The following BLTP1 variants were observed in gnomAD, a reference collection of about 807,000 sequenced individuals.
The protein encoded by BLTP1 is fragile site-associated protein.
chr4:122,199,243 A>G, the BLTP1 span: 1 of 1,409,962 alleles, frequency 7.1e-7, no homozygotes, highest in Admixed American at 2.3e-5. Flanking sequence ...TTAAATAGTG[A>G]CTACCATTTT....
At chr4:122,280,489 T>C in the BLTP1 span, among the ~76,000 whole-genome samples, 2 of 151,986 alleles carry the variant, frequency 1.3e-5, no homozygotes, top group Non-Finnish European at 2.9e-5. Flanking sequence ...TGAGCCTTAT[T>C]CCTGGTCTCC....
chr4:122,352,199 A>G, the BLTP1 span, among the ~76,000 whole-genome samples: 1 of 152,128 alleles, frequency 6.6e-6, no homozygotes, highest in African/African-American at 2.4e-5. Context: ...TTACTGGTTC[A>G]CTTAACCTCT....
chr4:122,348,274 G>A, the BLTP1 span, among the ~76,000 whole-genome samples: 1 of 151,970 alleles, frequency 6.6e-6, no homozygotes, highest in East Asian at 1.9e-4. Context: ...AGAATCCTAG[G>A]GTGATGCATG....
the BLTP1 span, chr4:122,246,982 A>C: frequency 1.4e-5 from 12 of 882,778 alleles, no homozygotes; most frequent in Non-Finnish European, 1.6e-5. Context: ...TCTTTAAAAA[A>C]TTTTTACTGT....
chr4:122,327,201 G>A, the BLTP1 span, among the ~76,000 whole-genome samples: 1 of 151,204 alleles, frequency 6.6e-6, no homozygotes, highest in African/African-American at 2.4e-5. Context: ...TATACAAACT[G>A]TAGTCATCTC....
chr4:122,269,709 A>G, the BLTP1 span: 3 of 983,684 alleles, frequency 3.0e-6, no homozygotes, highest in South Asian at 4.7e-5. Flanking sequence ...ATGAATATGT[A>G]TAACTCTCCT....
chr4:122,173,314 G>A, the BLTP1 span: 2 of 258,886 alleles, frequency 7.7e-6, no homozygotes, highest in African/African-American at 2.3e-5. Context: ...AAGTTGAGGG[G>A]GTGCATCTGG....
At chr4:122,245,995 T>G in the BLTP1 span, 19 of 408,108 alleles carry the variant, frequency 4.7e-5, no homozygotes, top group Non-Finnish European at 6.3e-5. Context: ...TTTTCCTAGC[T>G]TATCGAAAGT....
chr4:122,258,640 C>T, the BLTP1 span: 1 of 1,547,946 alleles, frequency 6.5e-7, no homozygotes, highest in Non-Finnish European at 8.7e-7. Flanking sequence ...AACATAGGGG[C>T]TGATGTTTCA....
the BLTP1 span, among the ~76,000 whole-genome samples, chr4:122,252,282 T>C: frequency 3.9e-5 from 6 of 152,134 alleles, no homozygotes; most frequent in Non-Finnish European, 8.8e-5. Flanking sequence ...GGAGAAGTAA[T>C]GGGGACTTTG....
chr4:122,298,094 TA>T, the BLTP1 span: 1 of 671,774 alleles, frequency 1.5e-6, no homozygotes, highest in Non-Finnish European at 1.8e-6. Context: ...TAGCCAATAT[TA>T]GATACATAGA....
the BLTP1 span, chr4:122,187,887 T>C: frequency 1.3e-6 from 2 of 1,563,992 alleles, no homozygotes; most frequent in Non-Finnish European, 1.7e-6. Flanking sequence ...TTATTTTTTT[T>C]TTTTTAGGGA....
At chr4:122,154,850 C>A in the BLTP1 span, 183 of 399,594 alleles carry the variant, frequency 4.6e-4, 1 homozygote, top group Non-Finnish European at 5.8e-4. Context: ...CCAGCCTGGG[C>A]GACAGAGCGA....
the BLTP1 span, chr4:122,189,940 A>C: frequency 6.3e-7 from 1 of 1,589,906 alleles, no homozygotes; most frequent in Non-Finnish European, 8.6e-7. Context: ...TAACTAGGAT[A>C]CTGAACATTT....
chr4:122,171,877 G>T, the BLTP1 span: 1 of 984,856 alleles, frequency 1.0e-6, no homozygotes, highest in Non-Finnish European at 1.2e-6. Context: ...ATAGGGGGGC[G>T]TGATATAATG....
At chr4:122,261,729 C>T in the BLTP1 span, 1 of 981,678 alleles carries the variant, frequency 1.0e-6, no homozygotes, top group African/African-American at 1.8e-5. Context: ...GACTTTTCTT[C>T]ATCCTTTAGG....
the BLTP1 span, chr4:122,331,111 C>G: frequency 3.1e-6 from 3 of 960,144 alleles, no homozygotes; most frequent in Non-Finnish European, 3.7e-6. Context: ...GTGATTATGT[C>G]TGTGTCCTCA....
chr4:122,249,596 T>C, the BLTP1 span: 2 of 1,613,760 alleles, frequency 1.2e-6, no homozygotes, highest in Non-Finnish European at 1.7e-6. Flanking sequence ...CAGCAAGCTG[T>C]TCCAGATGTA....
the BLTP1 span, chr4:122,190,353 C>G: frequency 1.7e-5 from 14 of 841,938 alleles, no homozygotes; most frequent in Non-Finnish European, 1.9e-5. Flanking sequence ...GCCTCATTCT[C>G]CCAAAGTGCT....
Sources: allele counts gnomAD v4.1 joint callset (sites outside exome capture counted in the v4.1 genomes callset), GRCh38; gene constraint gnomAD v4.1.1; transcripts MANE v1.5; gene names NCBI Gene and HGNC (gene_info 2026-07-23, HGNC 2026-07-21).